The following BBS12 variants were observed in gnomAD, a reference collection of about 807,000 sequenced individuals.
BBS12 encodes chaperonin-containing T-complex member BBS12.
Under a neutral mutation model 5.6 loss-of-function variants are expected in BBS12, and 5 were observed. That is an observed-to-expected ratio of 0.89 (90% CI 0.46 to 1.86). BBS12 has a LOEUF of 1.86. Ranked by LOEUF, BBS12 falls within the 40% of genes most tolerant of loss-of-function variation. The pLI, the probability that BBS12 is intolerant of heterozygous loss-of-function variation, is 0.01. For synonymous variants in BBS12, 308 were observed against 306.8 expected (o/e 1.00, Z -0.04); for missense variants, 748 against 830.4 (o/e 0.90, Z 1.22).
At chr4:122,705,369 G>A in the BBS12 span, among the ~76,000 whole-genome samples, 6 of 152,260 alleles carry the variant, frequency 3.9e-5, no homozygotes, top group East Asian at 5.8e-4. Context: ...CACTTTGGGA[G>A]GCCAAGGTGG....
the BBS12 span, among the ~76,000 whole-genome samples, chr4:122,707,968 CCTTCCTTTCTTT>C: frequency 1.3e-5 from 2 of 149,562 alleles, no homozygotes; most frequent in African/African-American, 2.5e-5. Flanking sequence ...TTCCTTCCTT[CCTTCCTTTCTTT>C]CTTTCTTTTC....
chr4:122,715,583 A>C, the BBS12 span, among the ~76,000 whole-genome samples: 1 of 152,162 alleles, frequency 6.6e-6, no homozygotes, highest in Non-Finnish European at 1.5e-5. Context: ...TTCCACCACG[A>C]AACACTCCTC....
chr4:122,716,695 G>GTGTGTATACACACACACATGTGTA, the BBS12 span, among the ~76,000 whole-genome samples: 161 of 109,716 alleles, frequency 1.5e-3, 7 homozygotes, highest in African/African-American at 6.3e-3. Context: ...ATATGTGTAT[G>GTGTGTATACACACACACATGTGTA]TGTGTGTATA....
At chr4:122,733,533 C>T (rs933705029) in intron 1 of BBS12, among the ~76,000 whole-genome samples, 1 of 152,116 alleles carries the variant, frequency 6.6e-6, no homozygotes, top group Non-Finnish European at 1.5e-5. Context: ...CCAGTTGATT[C>T]AGTAACGGCC....
chr4:122,705,758 G>T, the BBS12 span, among the ~76,000 whole-genome samples: 2 of 152,218 alleles, frequency 1.3e-5, no homozygotes, highest in Non-Finnish European at 2.9e-5. Context: ...TGAGGGGCAT[G>T]TACAGTTAAT....
At chr4:122,707,171 A>G in the BBS12 span, among the ~76,000 whole-genome samples, 10 of 150,100 alleles carry the variant, frequency 6.7e-5, 1 homozygote, top group South Asian at 2.1e-3. Context: ...CACAGTTTTA[A>G]AAACCAAAGT....
chr4:122,710,297 A>C, the BBS12 span, among the ~76,000 whole-genome samples: 4 of 152,350 alleles, frequency 2.6e-5, no homozygotes, highest in African/African-American at 9.6e-5. Flanking sequence ...CTATGAAAGA[A>C]ATGCTCTAAA....
In BBS12 at chr4:122,743,480, C is replaced by G. The variant is rs774541720; in HGVS notation, c.1588C>G (p.Leu530Val). 6.2e-7 allele frequency: 1 copy of G among 1,614,044 alleles called. No individual in the cohort carries two copies. Among genetic ancestry groups the G allele is most frequent in the Non-Finnish European group, 8.5e-7 (1 of 1,180,038 alleles). The change falls in exon 2 of 2, where the codon CTA becomes GTA. Residue 530 changes from leucine (L) to valine (V), a missense_variant. Physicochemically the swap from Leu to Val is conservative, Grantham distance 32. Transcript: ENST00000314218. The stretch of plus-strand genomic sequence containing the variant: ...ATGTGCCTATCGTTTGTATTATGCT[C>G]TAAAAGAGGAAAAGGTCTTCCTTGG... ...WTCAYRLYYA[L>V]KEEKVFLGGG... is the part of the protein sequence containing the mutation.
At chr4:122,715,025 T>A in the BBS12 span, among the ~76,000 whole-genome samples, 1 of 151,944 alleles carries the variant, frequency 6.6e-6, no homozygotes, top group Non-Finnish European at 1.5e-5. Flanking sequence ...CTATAGTTCA[T>A]GAAAAATAAA....
intron 1 of BBS12, among the ~76,000 whole-genome samples, chr4:122,734,415 G>A (rs538969288): frequency 1.3e-5 from 2 of 152,126 alleles, no homozygotes; most frequent in East Asian, 1.9e-4. Flanking sequence ...ACAGGCGCCC[G>A]CCACCGCGCC....
At chr4:122,735,997 T>A (rs1800778785) in intron 1 of BBS12, among the ~76,000 whole-genome samples, 1 of 152,094 alleles carries the variant, frequency 6.6e-6, no homozygotes, top group Non-Finnish European at 1.5e-5. Context: ...GATGCAGCAA[T>A]AGATTTCTTA....
chr4:122,732,171 G>C (rs775751354), upstream of BBS12: 1 of 152,162 alleles, frequency 6.6e-6, no homozygotes, highest in South Asian at 2.1e-4. Context: ...CCATTGGTCT[G>C]AACTTGTATG....
chr4:122,716,695 G>GTGTGTATACACACACACGTGTA, the BBS12 span, among the ~76,000 whole-genome samples: 1 of 109,718 alleles, frequency 9.1e-6, no homozygotes, highest in African/African-American at 3.9e-5. Flanking sequence ...ATATGTGTAT[G>GTGTGTATACACACACACGTGTA]TGTGTGTATA....
At chr4:122,701,511 TGTG>T in the BBS12 span, among the ~76,000 whole-genome samples, 2 of 152,194 alleles carry the variant, frequency 1.3e-5, no homozygotes, top group Non-Finnish European at 2.9e-5. Context: ...CATGCACAAA[TGTG>T]GGGTAAGCAA....
intron 1 of BBS12, among the ~76,000 whole-genome samples, chr4:122,734,631 G>T (rs1800759026): frequency 6.6e-6 from 1 of 152,138 alleles, no homozygotes; most frequent in South Asian, 2.1e-4. Context: ...TAGTGACCAA[G>T]TATATACTCA....
chr4:122,715,690 A>G, the BBS12 span, among the ~76,000 whole-genome samples: 2 of 152,144 alleles, frequency 1.3e-5, no homozygotes, highest in African/African-American at 4.8e-5. Context: ...TTCATTTTTT[A>G]TTTATCCATG....
chr4:122,711,805 T>C, the BBS12 span, among the ~76,000 whole-genome samples: 1 of 152,228 alleles, frequency 6.6e-6, no homozygotes, highest in South Asian at 2.1e-4. Flanking sequence ...ACTTGTGTAC[T>C]GCCTACAAAC....
Position 122,742,267 on chromosome 4 carries a change from A to G in BBS12, c.375A>G (p.Glu125=). 1.2e-6 allele frequency: 2 copies of G among 1,613,884 alleles called. No homozygotes were observed. Among genetic ancestry groups the G allele is most frequent in the Non-Finnish European group, 1.7e-6 (2 of 1,179,978 alleles). ...VMSEGLNFCS[E]EVVSLHVPVH... is the part of the protein sequence containing the mutation. ...CAGAAGGCTTAAACTTTTGTAGTGA[A>G]GAGGTAGTTTCTCTTCATGTACCTG... The change falls in exon 2 of 2, where the codon GAA becomes GAG. Residue 125 remains glutamate (E), a synonymous_variant. Transcript: ENST00000314218.
At position 122,733,420 on chromosome 4, in the gene BBS12, CACACAT is replaced by C. The variant is rs796734058; in HGVS notation, c.-11+537_-11+542del. On this transcript the variant is annotated intron_variant, in intron 1 of 1. Transcript: ENST00000314218. ...ACACACACACACACACACACACACACACACATCCAGCCATTTCCTTGGCCCAGTCCT... is the reference window on the plus strand; with the variant it reads ...ACACACACACACACACACACACACACCCAGCCATTTCCTTGGCCCAGTCCT... Among the ~76,000 whole-genome samples, 119 of 144,662 alleles carry C rather than the reference CACACAT, an allele frequency of 8.2e-4. 4 individuals carry two copies. Among genetic ancestry groups the C allele is most frequent in the Admixed American group, 1.2e-3 (18 of 14,422 alleles). The allele number at this position is 144,662 out of a possible 152,430, so 94.9% of individuals were successfully genotyped here.
Sources: allele counts gnomAD v4.1 joint callset (sites outside exome capture counted in the v4.1 genomes callset), GRCh38; gene constraint gnomAD v4.1.1; transcripts MANE v1.5; gene names NCBI Gene and HGNC (gene_info 2026-07-23, HGNC 2026-07-21).